The following OXNAD1 variants were observed in gnomAD, a reference collection of about 807,000 sequenced individuals.
OXNAD1 encodes oxidoreductase NAD-binding domain-containing protein 1.
A neutral mutation model predicts 32.9 loss-of-function variants in OXNAD1; 34 were observed. That is an observed-to-expected ratio of 1.03 (90% CI 0.79 to 1.38). The LOEUF (loss-of-function observed/expected upper bound fraction) is 1.38, where lower values mean the gene tolerates loss of function less well. Ranked by LOEUF, OXNAD1 falls within the 40% of genes most tolerant of loss-of-function variation. The pLI is 0.00. For missense variants in OXNAD1, 407 were observed against 379.4 expected, an observed-to-expected ratio of 1.07 and a Z score of -0.60; for synonymous variants, 134 against 135.2, an observed-to-expected ratio of 0.99 and a Z score of 0.06.
chr3:16,273,595 C>T (rs1200479931), intron 4 of OXNAD1, among the ~76,000 whole-genome samples: 1 of 152,036 alleles, frequency 6.6e-6, no homozygotes, highest in East Asian at 1.9e-4. Context: ...TGCTGTGTTG[C>T]CCAGGCTGGT....
chr3:16,310,465 A>G (rs950381409), downstream of OXNAD1, among the ~76,000 whole-genome samples: 1 of 152,214 alleles, frequency 6.6e-6, no homozygotes, highest in Non-Finnish European at 1.5e-5. Flanking sequence ...GAAAAATCCA[A>G]ATCCAAACTG....
intron 9 of OXNAD1, among the ~76,000 whole-genome samples, chr3:16,333,496 A>T (rs2070528733): frequency 6.6e-6 from 1 of 152,184 alleles, no homozygotes; most frequent in Non-Finnish European, 1.5e-5. Context: ...TCATTCCTTT[A>T]GTTTCATTTC....
At position 16,265,771 on chromosome 3, in the gene OXNAD1, C is replaced by T; in HGVS notation, c.-159+266C>T. ...TTTTATTAATCTTTAAACTGAGGTA[C>T]AGAGAGTTGGGCATCTTGACTAAAA... On this transcript the variant is annotated intron_variant, in intron 1 of 8. Coordinates refer to ENST00000285083, the MANE Select transcript of OXNAD1 (RefSeq NM_138381.5). This position sits in a 1 kb window ranked among gnomAD's most constrained non-coding sequence, Gnocchi z 4.8. The T allele has an allele frequency of 6.0e-6, 4 of 664,174 alleles. No homozygotes were observed. Among genetic ancestry groups the T allele is most frequent in the Non-Finnish European group, 5.6e-6 (3 of 536,688 alleles). The allele number at this position is 664,174 out of a possible 1,614,324, so 41.1% of individuals were successfully genotyped here.
chr3:16,311,585 T>G (rs1455403882), intron 9 of OXNAD1, among the ~76,000 whole-genome samples: 1 of 152,232 alleles, frequency 6.6e-6, no homozygotes, highest in East Asian at 1.9e-4. Context: ...ATGCCTTTGA[T>G]AAGGACAGGG....
intron 4 of OXNAD1, chr3:16,276,293 G>T (rs944889421): frequency 9.8e-6 from 2 of 205,112 alleles, no homozygotes; most frequent in Non-Finnish European, 2.0e-5. Flanking sequence ...TTCTGATTTG[G>T]CTTTTAGGCA....
chr3:16,272,680 A>G (rs1033772813), intron 4 of OXNAD1, among the ~76,000 whole-genome samples: 1 of 148,856 alleles, frequency 6.7e-6, no homozygotes, highest in Non-Finnish European at 1.5e-5. Flanking sequence ...GAAGTCTGTA[A>G]AATTAGTTTA....
At chr3:16,309,429 A>T (rs933034701), downstream of OXNAD1, among the ~76,000 whole-genome samples, 2 of 151,940 alleles carry the variant, frequency 1.3e-5, no homozygotes, top group African/African-American at 4.9e-5. Context: ...CCTCAGTCTC[A>T]TACTTAAGTA....
Position 16,330,353 on chromosome 3 carries a change from T to C in OXNAD1, c.*31-6759T>C, listed in dbSNP as rs546719394. On this transcript the variant is annotated intron_variant, in intron 9 of 9. Transcript: ENST00000435829. ...CACAGCCCGTTTGCATATTTATCAA[T>C]ATAGTAAAGAGATGGCATTTCTAAA... 5.3e-5 allele frequency among the ~76,000 whole-genome samples: 8 copies of C among 152,332 alleles called. No individual in the cohort carries two copies. In the South Asian group the frequency reaches 1.7e-3, roughly 32 times the overall value.
Position 16,277,263 on chromosome 3 carries a change from A to G in OXNAD1, c.183+5541A>G, listed in dbSNP as rs369496183. Among the ~76,000 whole-genome samples the G allele has an allele frequency of 4.6e-5, 7 of 152,076 alleles. No individual in the cohort carries two copies. The highest frequency in any genetic ancestry group is 1.9e-4 in the East Asian group (1 of 5,174). On this transcript the variant is annotated intron_variant, in intron 4 of 8. Coordinates refer to ENST00000285083, the MANE Select transcript of OXNAD1 (RefSeq NM_138381.5). This position sits in a 1 kb window ranked among gnomAD's most constrained non-coding sequence, Gnocchi z 4.3. The stretch of plus-strand genomic sequence containing the variant: ...TTTCTAATTTCCCCTCTTCTCCCAT[A>G]CAGAATGAGAACTGCGAAGAGTTGG...
At position 16,297,242 on chromosome 3, in the gene OXNAD1, A is replaced by G. The variant is rs1425578402; in HGVS notation, c.432+2245A>G. The stretch of plus-strand genomic sequence containing the variant: ...GCAAATAAGCAATGAAAGGTATTGA[A>G]ACATCGTTAACCCTGAGGGAAATGT... On this transcript the variant is annotated intron_variant, in intron 6 of 8. Transcript: ENST00000285083. This position sits in a 1 kb window ranked among gnomAD's most constrained non-coding sequence, Gnocchi z 4.3. Among the ~76,000 whole-genome samples the G allele has an allele frequency of 6.6e-6, 1 of 152,230 alleles. No homozygotes were observed. The highest frequency in any genetic ancestry group is 1.5e-5 in the Non-Finnish European group (1 of 68,042).
chr3:16,351,277 T>C (rs1215165450), downstream of OXNAD1, among the ~76,000 whole-genome samples: 2 of 152,144 alleles, frequency 1.3e-5, no homozygotes, highest in Admixed American at 6.5e-5. The surrounding 1 kb of genome is among the most constrained non-coding windows in gnomAD (Gnocchi z 5.4). Context: ...CTTGATCCAG[T>C]CTGTTTGCCA....
At chr3:16,325,076 A>G (rs555635318) in intron 9 of OXNAD1, among the ~76,000 whole-genome samples, 2 of 152,174 alleles carry the variant, frequency 1.3e-5, no homozygotes, top group Non-Finnish European at 2.9e-5. Flanking sequence ...TTTACATGTT[A>G]CTGCATTCAG....
At chr3:16,331,008 G>A (rs979318431) in intron 9 of OXNAD1, among the ~76,000 whole-genome samples, 32 of 152,282 alleles carry the variant, frequency 2.1e-4, no homozygotes, top group Admixed American at 1.3e-3. Flanking sequence ...AAAATATTTT[G>A]CTCTTTATAC....
At chr3:16,286,791 A>G (rs535576270) in intron 5 of OXNAD1, among the ~76,000 whole-genome samples, 1 of 152,340 alleles carries the variant, frequency 6.6e-6, no homozygotes, top group East Asian at 1.9e-4. Flanking sequence ...TCAGTAATCT[A>G]ATCTCCTTGA....
At position 16,302,504 on chromosome 3, in the gene OXNAD1, A is replaced by G; in HGVS notation, c.676-136A>G. On this transcript the variant is annotated intron_variant, in intron 7 of 8. Transcript: ENST00000285083. This position sits in a 1 kb window ranked among gnomAD's most constrained non-coding sequence, Gnocchi z 4.2. ...GAATGCTCTGGCCTGCTAGGCTGCA[A>G]ACAATATCTCTCTAAGTAGAGAGCG... The G allele has an allele frequency of 1.6e-6, 1 of 636,222 alleles. No individual in the cohort carries two copies. The highest frequency in any genetic ancestry group is 2.0e-5 in the South Asian group (1 of 49,686). 39.4% of individuals were successfully genotyped at this position (636,222 alleles called of 1,614,324 possible). A position where few individuals can be genotyped will look rare whatever the true frequency, so the allele number is the denominator to read the frequency against.
chr3:16,283,811 T>A (rs1328892919), intron 4 of OXNAD1, among the ~76,000 whole-genome samples: 10 of 152,120 alleles, frequency 6.6e-5, no homozygotes. Context: ...GGAGGGGACC[T>A]GAGAAGTTCA....
Position 16,294,954 on chromosome 3 carries a change from T to C in OXNAD1, c.389T>C (p.Val130Ala). The C allele has an allele frequency of 6.2e-7, 1 of 1,613,576 alleles. No homozygotes were observed. The highest frequency in any genetic ancestry group is 2.2e-5 in the East Asian group (1 of 44,852). Residue 130 changes from valine (V) to alanine (A), a missense_variant, in exon 6 of 9, where the codon GTG becomes GCG. Physicochemically the swap from Val to Ala is moderately conservative, Grantham distance 64. Coordinates refer to ENST00000285083, the MANE Select transcript of OXNAD1 (RefSeq NM_138381.5). ...CAAGAGAGAGTGATAGAATTGGCAG[T>C]GAAATATACGAACCACCCTCCTGCC... ...LEQERVIELA[V>A]KYTNHPPALW...
downstream of OXNAD1, among the ~76,000 whole-genome samples, chr3:16,307,279 G>T (rs1033812548): frequency 6.6e-6 from 1 of 152,154 alleles, no homozygotes; most frequent in Non-Finnish European, 1.5e-5. Flanking sequence ...GTTTTAGGTC[G>T]CCCCTGCTGT....
Position 16,305,814 on chromosome 3 carries a change from G to C in OXNAD1, c.*2252G>C, listed in dbSNP as rs554007766. Reference sequence around the variant, plus strand: ...GATACTGCTGCCTACCTACCTACATGATAGGGCTGTTACGGGGATTGAAGG... The same window carrying C: ...GATACTGCTGCCTACCTACCTACATCATAGGGCTGTTACGGGGATTGAAGG... On this transcript the variant is annotated 3_prime_UTR_variant, in exon 9 of 9. Coordinates refer to ENST00000285083, the MANE Select transcript of OXNAD1 (RefSeq NM_138381.5). This position sits in a 1 kb window ranked among gnomAD's most constrained non-coding sequence, Gnocchi z 4.5. 8 of 152,352 alleles carry C rather than the reference G, an allele frequency of 5.3e-5. No homozygotes were observed. The East Asian group carries it at 1.5e-3, about 29-fold the overall frequency. The allele number at this position is 152,352 out of a possible 1,614,324, so 9.4% of individuals were successfully genotyped here. A position where few individuals can be genotyped will look rare whatever the true frequency, so the allele number is the denominator to read the frequency against.
Sources: allele counts gnomAD v4.1 joint callset (sites outside exome capture counted in the v4.1 genomes callset), GRCh38; gene constraint gnomAD v4.1.1; non-coding constraint Gnocchi (gnomAD v3.1); transcripts MANE v1.5; gene names NCBI Gene and HGNC (gene_info 2026-07-23, HGNC 2026-07-21).